Variants in RBM15 observed in about 807,000 individuals in gnomAD.
RBM15 encodes the protein RNA-binding protein 15.
RBM15 carries 8 observed loss-of-function variants against 62.6 expected under a neutral mutation model. The observed-to-expected ratio is 0.13, with a 90% CI of 0.07 to 0.23. The LOEUF (loss-of-function observed/expected upper bound fraction) is 0.23. RBM15 is among the 10% of genes least tolerant of loss of function. The pLI, the probability that RBM15 is intolerant of heterozygous loss-of-function variation, is 1.00. For synonymous variants in RBM15, 606 were observed against 505.7 expected (o/e 1.20, Z -2.66); for missense variants, 1,144 against 1,286.5 (o/e 0.89, Z 1.69).
Position 110,339,832 on chromosome 1 carries a change from A to G in RBM15, c.427A>G (p.Ser143Gly). The G allele has an allele frequency of 6.3e-7, 1 of 1,599,396 alleles. No individual in the cohort carries two copies. Among genetic ancestry groups the G allele is most frequent in the Non-Finnish European group, 8.6e-7 (1 of 1,169,286 alleles). Reference protein sequence around the residue: ...NSSGGGESRSSSRGGGGESRS... With the variant: ...NSSGGGESRSGSRGGGGESRS... ...TTCGGGCGGGGGCGAATCGCGCAGC[A>G]GCTCCCGGGGTGGAGGCGGGGAGTC... Residue 143 changes from serine (S) to glycine (G), a missense_variant, in exon 1 of 3, where the codon AGC (serine) becomes GGC (glycine). Around this residue, in one of 8 missense-constraint regions of RBM15, gnomAD observed 298 missense variants for 250.0 expected, o/e 1.19. Transcript: ENST00000369784.
In RBM15 at chr1:110,340,923, C is replaced by A; in HGVS notation, c.1518C>A (p.Ala506=). The A allele has an allele frequency of 6.2e-7, 1 of 1,614,212 alleles. No homozygotes were observed. Among genetic ancestry groups the A allele is most frequent in the Non-Finnish European group, 8.5e-7 (1 of 1,180,042 alleles). ...AAAGCCTGGATGCAGCGCATGCTGC[C>A]TGGACCCATATGCGGGGCTTCCCAC... ...QYESLDAAHA[A]WTHMRGFPLG... is the part of the protein sequence containing the mutation. Residue 506 remains alanine, a synonymous_variant, in exon 1 of 3, where the codon GCC becomes GCA. Transcript: ENST00000369784. The surrounding 1 kb of genome is among the most constrained non-coding windows in gnomAD (Gnocchi z 5.8).
In RBM15 at chr1:110,339,613, C is replaced by T. The variant is rs745424399; in HGVS notation, c.208C>T (p.Arg70Trp). The T allele has an allele frequency of 2.5e-6, 4 of 1,610,590 alleles. No homozygotes were observed. The highest frequency in any genetic ancestry group is 1.3e-5 in the African/African-American group (1 of 74,952). ...GGEDSTSRGE[R>W]SKKLGGSGGS... is the part of the protein sequence containing the mutation. ...TGAGGACTCGACTTCCCGCGGTGAG[C>T]GGAGCAAGAAGTTAGGGGGCTCTGG... Residue 70 changes from arginine (R) to tryptophan (W), a missense_variant, in exon 1 of 3, where the codon CGG (arginine) becomes TGG (tryptophan). Arg to Trp is a moderately radical substitution (Grantham distance 101, BLOSUM62 -3). This residue lies in a region of RBM15 where 298 missense variants were observed against 250.0 expected (regional missense o/e 1.19). Transcript: ENST00000369784.
In RBM15 at chr1:110,340,927, A is replaced by G; in HGVS notation, c.1522A>G (p.Thr508Ala). Residue 508 changes from threonine to alanine, a missense_variant, in exon 1 of 3, where the codon ACC (threonine) becomes GCC (alanine). Physicochemically the swap from Thr to Ala is moderately conservative, Grantham distance 58 (BLOSUM62 0). Around this residue, in one of 8 missense-constraint regions of RBM15, gnomAD observed 105 missense variants for 193.6 expected, o/e 0.54. Coordinates refer to ENST00000369784, the MANE Select transcript of RBM15 (RefSeq NM_022768.5). This position sits in a 1 kb window ranked among gnomAD's most constrained non-coding sequence, Gnocchi z 5.8. ...ESLDAAHAAWTHMRGFPLGGP... is the reference protein window; with the variant it reads ...ESLDAAHAAWAHMRGFPLGGP... ...CCTGGATGCAGCGCATGCTGCCTGGACCCATATGCGGGGCTTCCCACTTGG... is the reference window on the plus strand; with the variant it reads ...CCTGGATGCAGCGCATGCTGCCTGGGCCCATATGCGGGGCTTCCCACTTGG... The G allele has an allele frequency of 7.4e-6, 12 of 1,614,206 alleles. No homozygotes were observed. Among genetic ancestry groups the G allele is most frequent in the Non-Finnish European group, 9.3e-6 (11 of 1,180,038 alleles).
Position 110,339,460 on chromosome 1 carries a change from G to C in RBM15, c.55G>C (p.Ala19Pro). ...GCGGCGGAGTCCAAGATGGCGGCGT[G>C]CGGTTCCGCTGTGTGAAACGAGCGC... ...VPRRSPRWRR[A>P]VPLCETSAGR... Residue 19 changes from alanine to proline, a missense_variant, in exon 1 of 3, where the codon GCG becomes CCG. Ala to Pro is a conservative substitution (Grantham distance 27). Around this residue, in one of 8 missense-constraint regions of RBM15, gnomAD observed 298 missense variants for 250.0 expected, o/e 1.19. Coordinates refer to ENST00000369784, the MANE Select transcript of RBM15 (RefSeq NM_022768.5). The C allele has an allele frequency of 6.5e-7, 1 of 1,548,402 alleles. No homozygotes were observed. Among genetic ancestry groups the C allele is most frequent in the African/African-American group, 1.4e-5 (1 of 73,204 alleles).
Position 110,346,402 on chromosome 1 carries a change from C to T in RBM15, c.*135C>T. On this transcript the variant is annotated 3_prime_UTR_variant, in exon 3 of 3. Transcript: ENST00000369784. ...GTGGCTTATGTGGAGTTTACATGGG[C>T]CTCTGATGGAAGAAAGCTAATCTGT... 6.6e-7 allele frequency: 1 copy of T among 1,520,218 alleles called. No homozygotes were observed. Among genetic ancestry groups the T allele is most frequent in the South Asian group, 1.1e-5 (1 of 88,908 alleles). The allele number at this position is 1,520,218 out of a possible 1,614,324, so 94.2% of individuals were successfully genotyped here. A position where few individuals can be genotyped will look rare whatever the true frequency, so the allele number is the denominator to read the frequency against.
At position 110,341,849 on chromosome 1, in the gene RBM15, GTCT is replaced by G. The variant is rs1299215087; in HGVS notation, c.2449_2451del (p.Leu817del). ...CAGGGTGACCTCCAAGTGGCTAGTA[GTCT>G]TCTTGTGGAGGGTTCAACTGGAGGC... On this transcript the variant is annotated inframe_deletion, in exon 1 of 3. Coordinates refer to ENST00000369784, the MANE Select transcript of RBM15 (RefSeq NM_022768.5). This position sits in a 1 kb window ranked among gnomAD's most constrained non-coding sequence, Gnocchi z 4.5. 3 of 1,614,096 alleles carry G rather than the reference GTCT, an allele frequency of 1.9e-6. No individual in the cohort carries two copies. Among genetic ancestry groups the G allele is most frequent in the Non-Finnish European group, 2.5e-6 (3 of 1,180,050 alleles).
chr1:110,343,091 A>G (rs1172992704), intron 1 of RBM15, among the ~76,000 whole-genome samples: 1 of 152,208 alleles, frequency 6.6e-6, no homozygotes, highest in Admixed American at 6.5e-5. Context: ...TGTAGCAGGT[A>G]CAGTTCTAAT....
At position 110,339,776 on chromosome 1, in the gene RBM15, A is replaced by G. The variant is rs1660748192; in HGVS notation, c.371A>G (p.His124Arg). Residue 124 changes from histidine (H) to arginine (R), a missense_variant, in exon 1 of 3, where the codon CAT (histidine) becomes CGT (arginine). His to Arg is a conservative substitution (Grantham distance 29). Transcript: ENST00000369784. ...GGGGGCAGCTCCAGTAGCCGCTTGC[A>G]TAGTTATAGCTCCCCGAGCACCAAA... ...TGGGSSSSRL[H>R]SYSSPSTKNS... is the part of the protein sequence containing the mutation. The G allele has an allele frequency of 1.9e-6, 3 of 1,609,762 alleles. No homozygotes were observed. The highest frequency in any genetic ancestry group is 2.5e-6 in the Non-Finnish European group (3 of 1,177,390).
chr1:110,342,435 A>G (rs955017468), intron 1 of RBM15, 167 bp downstream of exon 1: 3 of 514,782 alleles, frequency 5.8e-6, no homozygotes, highest in Non-Finnish European at 9.6e-6. Context: ...AAATCAGGAC[A>G]GTTTAGCTAT....
intron 1 of RBM15, among the ~76,000 whole-genome samples, chr1:110,343,289 C>A (rs578251560): frequency 6.6e-6 from 1 of 152,180 alleles, no homozygotes; most frequent in East Asian, 1.9e-4. Context: ...TCATAAAATG[C>A]CTTTGACATG....
chr1:110,341,376 T>A lies in RBM15; in HGVS notation c.1971T>A (p.Pro657=), dbSNP rs1202228951. Residue 657 remains proline (P), a synonymous_variant, in exon 1 of 3, where the codon CCT becomes CCA. Coordinates refer to ENST00000369784, the MANE Select transcript of RBM15 (RefSeq NM_022768.5). The surrounding 1 kb of genome is among the most constrained non-coding windows in gnomAD (Gnocchi z 4.5). ...GAGGACGTCATCTGGATAGGTCTCC[T>A]GAGAGTGACCGCCCACGAAAACGTC... ...ESGGRHLDRS[P]ESDRPRKRHC... 1 of 1,613,992 alleles carries A rather than the reference T, an allele frequency of 6.2e-7. No homozygotes were observed. The highest frequency in any genetic ancestry group is 8.5e-7 in the Non-Finnish European group (1 of 1,179,994).
Position 110,340,502 on chromosome 1 carries a change from C to T in RBM15, c.1097C>T (p.Pro366Leu), listed in dbSNP as rs200593522. Residue 366 changes from proline to leucine, a missense_variant, in exon 1 of 3, where the codon CCC (proline) becomes CTC (leucine). Pro to Leu is a moderately conservative substitution (Grantham distance 98). Transcript: ENST00000369784. The surrounding 1 kb of genome is among the most constrained non-coding windows in gnomAD (Gnocchi z 5.8). ...APFREVDEIS[P>L]EDDQRANRTL... ...TTCAGAGAAGTGGATGAGATTTCAC[C>T]CGAGGATGATCAGCGAGCTAACCGG... 5.0e-6 allele frequency: 8 copies of T among 1,613,946 alleles called. No individual in the cohort carries two copies. The highest frequency in any genetic ancestry group is 2.2e-5 in the East Asian group (1 of 44,858).
Position 110,341,477 on chromosome 1 carries a change from C to T in RBM15, c.2072C>T (p.Ser691Phe), listed in dbSNP as rs1183004190. The T allele has an allele frequency of 6.2e-7, 1 of 1,614,166 alleles. No homozygotes were observed. Among genetic ancestry groups the T allele is most frequent in the East Asian group, 2.2e-5 (1 of 44,870 alleles). ...CGTTACAACAGCGACAATGATCGAT[C>T]TTCCCGTCTTCTCTTGGAAAGGCCC... is the stretch of plus-strand genomic sequence containing the variant. Reference protein sequence around the residue: ...RDRYNSDNDRSSRLLLERPSP... With the variant: ...RDRYNSDNDRFSRLLLERPSP... The change falls in exon 1 of 3, where the codon TCT (serine) becomes TTT (phenylalanine). Residue 691 changes from serine to phenylalanine, a missense_variant. By Grantham distance (155) the Ser-to-Phe change is radical (BLOSUM62 -2). Transcript: ENST00000369784. This position sits in a 1 kb window ranked among gnomAD's most constrained non-coding sequence, Gnocchi z 4.5.
intron 1 of RBM15, among the ~76,000 whole-genome samples, chr1:110,343,895 G>T (rs1660849359): frequency 6.6e-6 from 1 of 152,134 alleles, no homozygotes; most frequent in Non-Finnish European, 1.5e-5. Context: ...ATTATGACAG[G>T]TGTCTAATGC....
chr1:110,340,985 C>G lies in RBM15; in HGVS notation c.1580C>G (p.Ala527Gly). 1 of 1,614,184 alleles carries G rather than the reference C, an allele frequency of 6.2e-7. No homozygotes were observed. Among genetic ancestry groups the G allele is most frequent in the Non-Finnish European group, 8.5e-7 (1 of 1,180,008 alleles). The change falls in exon 1 of 3, where the codon GCC becomes GGC. Residue 527 changes from alanine (A) to glycine (G), a missense_variant. Coordinates refer to ENST00000369784, the MANE Select transcript of RBM15 (RefSeq NM_022768.5). The surrounding 1 kb of genome is among the most constrained non-coding windows in gnomAD (Gnocchi z 5.8). ...GATCGACGCCTTAGAGTAGACTTTG[C>G]CGACACCGAACATCGTTACCAGCAG... ...GPDRRLRVDF[A>G]DTEHRYQQQY...
rs769509439 is a variant in RBM15, at chr1:110,346,295, C to G, written c.*41-13C>G. The stretch of plus-strand genomic sequence containing the variant: ...TTTGTACTGAATAACCTTTTTTTCC[C>G]CCCCTCCGCAAGCAAAACTGGTTGA... On this transcript the variant is annotated splice_polypyrimidine_tract_variant and intron_variant, in intron 2 of 2. Transcript: ENST00000369784. 1 of 1,595,474 alleles carries G rather than the reference C, an allele frequency of 6.3e-7. No homozygotes were observed. The highest frequency in any genetic ancestry group is 1.3e-5 in the African/African-American group (1 of 74,514).
chr1:110,341,912 G>A lies in RBM15; in HGVS notation c.2507G>A (p.Arg836His). The change falls in exon 1 of 3, where the codon CGT becomes CAT. Residue 836 changes from arginine (R) to histidine (H), a missense_variant. Physicochemically the swap from Arg to His is conservative, Grantham distance 29. This residue lies in a region of RBM15 where 144 missense variants were observed against 223.3 expected (regional missense o/e 0.64). Transcript: ENST00000369784. The surrounding 1 kb of genome is among the most constrained non-coding windows in gnomAD (Gnocchi z 4.5). ...VAQLKITQRL[R>H]LDQPKLDEVT... is the part of the protein sequence containing the mutation. ...CAGCTCAAGATCACTCAGCGTCTCC[G>A]TTTGGACCAGCCCAAGTTGGATGAA... 6.2e-7 allele frequency: 1 copy of A among 1,614,222 alleles called. No individual in the cohort carries two copies. The highest frequency in any genetic ancestry group is 8.5e-7 in the Non-Finnish European group (1 of 1,180,040).
rs764044642 is a variant in RBM15, at chr1:110,340,863, C to T, written c.1458C>T (p.Tyr486=). The stretch of plus-strand genomic sequence containing the variant: ...TTGGCACCATACGCACCATAGACTA[C>T]CGAAAAGGTGATAGTTGGGCATATA... The part of the protein sequence containing the change: ...DRFGTIRTID[Y]RKGDSWAYIQ... Residue 486 remains tyrosine (Y), a synonymous_variant, in exon 1 of 3, where the codon TAC becomes TAT. Coordinates refer to ENST00000369784, the MANE Select transcript of RBM15 (RefSeq NM_022768.5). This position sits in a 1 kb window ranked among gnomAD's most constrained non-coding sequence, Gnocchi z 5.8. 6 of 1,614,064 alleles carry T rather than the reference C, an allele frequency of 3.7e-6. No individual in the cohort carries two copies. Among genetic ancestry groups the T allele is most frequent in the Middle Eastern group, 1.6e-4 (1 of 6,084 alleles).
rs1282940743 is a variant in RBM15, at chr1:110,339,828, C to G, written c.423C>G (p.Arg141=). 6.3e-7 allele frequency: 1 copy of G among 1,599,312 alleles called. No homozygotes were observed. The highest frequency in any genetic ancestry group is 8.6e-7 in the Non-Finnish European group (1 of 1,169,492). Residue 141 remains arginine, a synonymous_variant, in exon 1 of 3, where the codon CGC becomes CGG. Transcript: ENST00000369784. ...ATTCTTCGGGCGGGGGCGAATCGCG[C>G]AGCAGCTCCCGGGGTGGAGGCGGGG... is the stretch of plus-strand genomic sequence containing the variant. ...TKNSSGGGES[R]SSSRGGGGES...
Sources: allele counts gnomAD v4.1 joint callset (sites outside exome capture counted in the v4.1 genomes callset), GRCh38; gene constraint gnomAD v4.1.1; regional missense constraint gnomAD v4.1.1; non-coding constraint Gnocchi (gnomAD v3.1); transcripts MANE v1.5; gene names NCBI Gene and HGNC (gene_info 2026-07-23, HGNC 2026-07-21).